The following KIR3DL1 variants were observed in gnomAD, a reference collection of about 807,000 sequenced individuals.
The protein encoded by KIR3DL1 is killer cell immunoglobulin-like receptor 3DL1.
KIR3DL1 carries 50 observed loss-of-function variants against 40.3 expected under a neutral mutation model. The ratio of observed to expected loss-of-function variants is 1.24; its 90% confidence interval spans 0.99 to 1.57. The LOEUF (loss-of-function observed/expected upper bound fraction) is 1.57, where lower values mean the gene tolerates loss of function less well. Among genes scored for constraint, KIR3DL1 ranks in the 40% most tolerant of loss-of-function variants. KIR3DL1 has a pLI of 0.00. For missense variants in KIR3DL1, 661 were observed against 559.9 expected, an observed-to-expected ratio of 1.18 and a Z score of -1.82; for synonymous variants, 257 against 207.2, an observed-to-expected ratio of 1.24 and a Z score of -2.07.
intron 4 of KIR3DL1, among the ~76,000 whole-genome samples, chr19:54,821,058 GAGACAGAGAGGC>G (rs1205951334): frequency 6.7e-6 from 1 of 150,310 alleles, no homozygotes; most frequent in African/African-American, 2.5e-5. Context: ...TACATAAATA[GAGACAGAGAGGC>G]AGACAGAGAG....
chr19:54,821,665 G>A, exon 5 of KIR3DL1: 7 of 1,610,060 alleles, frequency 4.3e-6, no homozygotes, highest in Non-Finnish European at 5.9e-6. Context: ...CCTATGACAT[G>A]TACCATCTAT....
chr19:54,830,462 G>A (rs1237491109), exon 9 of KIR3DL1: 4 of 744,144 alleles, frequency 5.4e-6, no homozygotes, highest in Non-Finnish European at 6.4e-6. Flanking sequence ...GGTCCCCACT[G>A]CCTGCTGGAA....
At position 54,819,903 on chromosome 19, in the gene KIR3DL1, C is replaced by T. The variant is rs116306767; in HGVS notation, c.546C>T (p.Ile182=). 248 of 1,612,214 alleles carry T rather than the reference C, an allele frequency of 1.5e-4. 9 individuals are homozygous for T. The African/African-American group carries it at 2.1e-3, about 14-fold the overall frequency. Reference sequence around the variant, plus strand: ...GGGTCTCCAAGGCCAATTTCTCCATCGGTCCCATGATGCTTGCCCTTGCAG... The same window carrying T: ...GGGTCTCCAAGGCCAATTTCTCCATTGGTCCCATGATGCTTGCCCTTGCAG... Residue 182 remains isoleucine, a synonymous_variant, in exon 4 of 9, where the codon ATC becomes ATT. Transcript: ENST00000391728.
exon 1 of KIR3DL1, chr19:54,816,502 T>A: frequency 2.5e-6 from 4 of 1,606,624 alleles, no homozygotes; most frequent in Non-Finnish European, 3.4e-6. Context: ...GGCAGCACCA[T>A]GTCGCTCATG....
intron 5 of KIR3DL1, among the ~76,000 whole-genome samples, chr19:54,822,858 C>T (rs35666737): frequency 0.13 from 16,928 of 125,626 alleles, 2,224 homozygotes; most frequent in Middle Eastern, 0.18. Context: ...GTGTGTGTAC[C>T]ACAGTTCTCT....
At chr19:54,821,646 C>T in exon 5 of KIR3DL1, 2 of 1,609,654 alleles carry the variant, frequency 1.2e-6, no homozygotes, top group Non-Finnish European at 1.7e-6. Context: ...TCCTGTAGCT[C>T]CCGGAGCTCC....
At chr19:54,828,580 G>A (rs1601431309) in intron 6 of KIR3DL1, among the ~76,000 whole-genome samples, 1 of 151,004 alleles carries the variant, frequency 6.6e-6, no homozygotes, top group East Asian at 1.9e-4. Context: ...GCTGGGGGAA[G>A]CCAGAAAGCA....
rs750045735 is a variant in KIR3DL1 at position 54,823,645 on chromosome 19, GT to G, written c.950-1382del. Among the ~76,000 whole-genome samples, 171 of 151,400 alleles carry G rather than the reference GT, an allele frequency of 1.1e-3. 2 individuals carry two copies. Among genetic ancestry groups the G allele is most frequent in the Non-Finnish European group, 2.0e-3 (133 of 67,916 alleles). On this transcript the variant is annotated intron_variant, in intron 5 of 8. Coordinates refer to ENST00000391728, the Ensembl canonical transcript of KIR3DL1. Reference sequence around the variant, plus strand: ...CCAAAGTAGCTGGGATTACAGGCATGTGCCACCACGCCTAGCTAATTTTTGT... The same window carrying G: ...CCAAAGTAGCTGGGATTACAGGCATGGCCACCACGCCTAGCTAATTTTTGT...
exon 5 of KIR3DL1, chr19:54,821,733 C>T: frequency 1.9e-6 from 3 of 1,608,696 alleles, no homozygotes; most frequent in Admixed American, 1.7e-5. Context: ...GTCAACAGAA[C>T]ATTCCAGGCA....
At chr19:54,827,582 T>A (rs1238792895) in intron 6 of KIR3DL1, among the ~76,000 whole-genome samples, 1 of 150,022 alleles carries the variant, frequency 6.7e-6, no homozygotes, top group Non-Finnish European at 1.5e-5. Flanking sequence ...ATCACTGCAC[T>A]CCAGCCTGGG....
intron 6 of KIR3DL1, among the ~76,000 whole-genome samples, chr19:54,828,266 G>T (rs1168836468): frequency 2.0e-5 from 3 of 151,100 alleles, no homozygotes; most frequent in Non-Finnish European, 4.4e-5. Flanking sequence ...AATGCAAGTT[G>T]TTTAACTCAA....
chr19:54,825,874 A>G (rs1325612621), intron 6 of KIR3DL1, among the ~76,000 whole-genome samples: 1 of 150,844 alleles, frequency 6.6e-6, no homozygotes, highest in Non-Finnish European at 1.5e-5. Context: ...GTCACATCTC[A>G]CATGGCATCA....
intron 5 of KIR3DL1, among the ~76,000 whole-genome samples, chr19:54,822,582 C>A (rs2061693467): frequency 6.6e-6 from 1 of 150,498 alleles, no homozygotes; most frequent in South Asian, 2.1e-4. Context: ...GAGCCGAGAT[C>A]ATGCCACTGC....
chr19:54,819,956 C>T (rs1304358426), exon 4 of KIR3DL1: 3 of 1,611,760 alleles, frequency 1.9e-6, no homozygotes, highest in African/African-American at 2.7e-5. Context: ...GGTTCTGTTA[C>T]TCACACCCCC....
rs201979988 is a variant in KIR3DL1, at chr19:54,821,626, C to T, written c.717C>T (p.Ser239=). The T allele has an allele frequency of 5.3e-5, 85 of 1,608,940 alleles. 2 individuals carry two copies. Among genetic ancestry groups the T allele is most frequent in the Middle Eastern group, 3.3e-4 (2 of 6,038 alleles). The change falls in exon 5 of 9, where the codon AGC becomes AGT. Residue 239 remains serine, a synonymous_variant. Transcript: ENST00000391728. ...GCCCCAAGGTTCAGGCAGGAGAGAG[C>T]GTGACCTTGTCCTGTAGCTCCCGGA...
At chr19:54,830,063 A>G in intron 8 of KIR3DL1, 36 bp from the exon 9 acceptor site, 1 of 1,521,400 alleles carries the variant, frequency 6.6e-7, no homozygotes, top group Non-Finnish European at 8.9e-7. Context: ...CTCACTCAGC[A>G]TTTCCCTCCC....
rs2061406555 is a variant in KIR3DL1 at position 54,817,442 on chromosome 19, G to A, written c.35-92G>A. 2.7e-6 allele frequency: 3 copies of A among 1,097,336 alleles called. No individual in the cohort carries two copies. The East Asian group carries it at 8.7e-5, about 32-fold the overall frequency. 68.0% of individuals were successfully genotyped at this position (1,097,336 alleles called of 1,614,324 possible). On this transcript the variant is annotated intron_variant, in intron 1 of 8. Coordinates refer to ENST00000391728, the Ensembl canonical transcript of KIR3DL1. Reference sequence around the variant, plus strand: ...GTGAGTTTACCTTCAGCCCAGCAAGGGCCTGGCTGCCAAGACGCACAGCCC... The same window carrying A: ...GTGAGTTTACCTTCAGCCCAGCAAGAGCCTGGCTGCCAAGACGCACAGCCC...
Position 54,829,528 on chromosome 19 carries a change from C to G in KIR3DL1, c.1105+63C>G. The G allele has an allele frequency of 2.3e-6, 3 of 1,286,160 alleles. 1 individual carries two copies. The highest frequency in any genetic ancestry group is 3.2e-6 in the Non-Finnish European group (3 of 925,298). 79.7% of individuals were successfully genotyped at this position (1,286,160 alleles called of 1,614,324 possible). On this transcript the variant is annotated intron_variant, in intron 7 of 8. Transcript: ENST00000391728. ...CATGTGGGGAAGCAGGATGGGAGCACACAGCTGTGTGTTCCTCACTGGCAG... is the reference window on the plus strand; with the variant it reads ...CATGTGGGGAAGCAGGATGGGAGCAGACAGCTGTGTGTTCCTCACTGGCAG...
chr19:54,816,935 C>A (rs1264595540), intron 1 of KIR3DL1, among the ~76,000 whole-genome samples: 1 of 127,876 alleles, frequency 7.8e-6, no homozygotes, highest in Non-Finnish European at 1.6e-5. Flanking sequence ...AGATATGGGC[C>A]TGAAGTGGAG....
Sources: gnomAD v4.1 joint callset for allele counts (sites outside exome capture counted in the v4.1 genomes callset) on GRCh38, gnomAD v4.1.1 for gene constraint, MANE v1.5 for transcripts, NCBI Gene and HGNC (gene_info 2026-07-23, HGNC 2026-07-21) for gene names.